Variants in CPEB3 observed in about 807,000 individuals in gnomAD.
CPEB3 encodes the protein cytoplasmic polyadenylation element binding protein 3.
CPEB3 carries 20 observed loss-of-function variants against 67.2 expected under a neutral mutation model. That is an observed-to-expected ratio of 0.30 (90% CI 0.21 to 0.43). The LOEUF (loss-of-function observed/expected upper bound fraction) is 0.43. CPEB3 is among the 20% of genes least tolerant of loss of function. The pLI is 1.00. For synonymous variants in CPEB3, 376 were observed against 393.1 expected (o/e 0.96, Z 0.51); for missense variants, 746 against 968.6 (o/e 0.77, Z 3.05).
At chr10:92,126,381 C>A (rs1223965934) in intron 6 of CPEB3, among the ~76,000 whole-genome samples, 4 of 152,070 alleles carry the variant, frequency 2.6e-5, no homozygotes, top group African/African-American at 9.7e-5. Flanking sequence ...ACTCAACTAC[C>A]AAGCAGTTCA....
intron 6 of CPEB3, among the ~76,000 whole-genome samples, chr10:92,142,166 A>G (rs1358095089): frequency 6.6e-6 from 1 of 152,202 alleles, no homozygotes; most frequent in Non-Finnish European, 1.5e-5. Flanking sequence ...CATAAAAGGA[A>G]GCCACTTGCC....
In CPEB3 at chr10:92,072,615, T is replaced by C. The variant is rs184055317; in HGVS notation, c.1869+8705A>G. ...AGTTTGCCCAAGATCATACCACGATTGGAAAAAGCTAGGAATAGACCCAGA... is the reference window on the plus strand; with the variant it reads ...AGTTTGCCCAAGATCATACCACGATCGGAAAAAGCTAGGAATAGACCCAGA... On this transcript the variant is annotated intron_variant, in intron 9 of 9. Coordinates refer to ENST00000265997, the MANE Select transcript of CPEB3 (RefSeq NM_014912.5). Among the ~76,000 whole-genome samples the C allele has an allele frequency of 5.3e-4, 80 of 152,346 alleles. No individual in the cohort carries two copies. In the South Asian group the frequency reaches 5.4e-3, roughly 10 times the overall value.
At chr10:92,180,868 G>A (rs748377464) in intron 4 of CPEB3, 95 bp downstream of exon 4, 4 of 762,288 alleles carry the variant, frequency 5.2e-6, no homozygotes, top group East Asian at 2.5e-5. Flanking sequence ...TCCTTTCAGC[G>A]GAAGGTTAAA....
intron 5 of CPEB3, among the ~76,000 whole-genome samples, chr10:92,144,472 C>T (rs1425376315): frequency 1.3e-5 from 2 of 152,080 alleles, no homozygotes; most frequent in African/African-American, 2.4e-5. Context: ...TGCTATGTTG[C>T]CCAGGCTGGT....
At chr10:92,208,209 G>T (rs1849889142) in intron 2 of CPEB3, among the ~76,000 whole-genome samples, 1 of 152,124 alleles carries the variant, frequency 6.6e-6, no homozygotes, top group Non-Finnish European at 1.5e-5. Context: ...TGCTTGTCTA[G>T]CTCAACAGAT....
chr10:92,123,920 A>G (rs1845501933), intron 6 of CPEB3, among the ~76,000 whole-genome samples: 1 of 152,128 alleles, frequency 6.6e-6, no homozygotes, highest in South Asian at 2.1e-4. Flanking sequence ...CTGGCTTCCC[A>G]TTCCTAACTC....
intron 8 of CPEB3, among the ~76,000 whole-genome samples, chr10:92,083,256 G>T (rs1024238163): frequency 6.6e-6 from 1 of 152,170 alleles, no homozygotes; most frequent in Non-Finnish European, 1.5e-5. Context: ...AAGCCTAAGA[G>T]TAAGTGCTAT....
chr10:92,264,506 C>T (rs1391338138), intron 1 of CPEB3, among the ~76,000 whole-genome samples: 1 of 152,108 alleles, frequency 6.6e-6, no homozygotes, highest in Non-Finnish European at 1.5e-5. Context: ...TACAATCAGG[C>T]CTCTGCCTTC....
At chr10:92,203,352 A>G (rs1564862822) in intron 2 of CPEB3, among the ~76,000 whole-genome samples, 1 of 146,832 alleles carries the variant, frequency 6.8e-6, no homozygotes, top group Non-Finnish European at 1.5e-5. Context: ...ATATATATAT[A>G]TATGTATATA....
rs55896574 is a variant in CPEB3 at position 92,181,367 on chromosome 10, C to CAA, written c.1166-350_1166-349dup. ...TTATACTGTCCTTCCATTCAAGCAG[C>CAA]AAAAAAAAAAAAAAAAAAAAAAATA... is the stretch of plus-strand genomic sequence containing the variant. On this transcript the variant is annotated intron_variant, in intron 3 of 9. Transcript: ENST00000265997. 4.3e-3 allele frequency among the ~76,000 whole-genome samples: 408 copies of CAA among 95,058 alleles called. 1 individual carries two copies. The highest frequency in any genetic ancestry group is 6.8e-3 in the African/African-American group (159 of 23,312). 62.4% of individuals were successfully genotyped at this position (95,058 alleles called of 152,430 possible). A position where few individuals can be genotyped will look rare whatever the true frequency, so the allele number is the denominator to read the frequency against.
At chr10:92,133,207 C>CA (rs1845926147) in intron 6 of CPEB3, among the ~76,000 whole-genome samples, 1 of 151,974 alleles carries the variant, frequency 6.6e-6, no homozygotes, top group South Asian at 2.1e-4. Flanking sequence ...AAAAACCCTT[C>CA]AAAAAAATCA....
At chr10:92,172,575 C>G (rs952399582) in intron 4 of CPEB3, among the ~76,000 whole-genome samples, 28 of 152,338 alleles carry the variant, frequency 1.8e-4, no homozygotes, top group Middle Eastern at 3.4e-3. Flanking sequence ...GCAGAATAAT[C>G]TGTGTGTCTA....
At position 92,285,094 on chromosome 10, in the gene CPEB3, CAG is replaced by C. The variant is rs1485408631; in HGVS notation, c.-12+5830_-12+5831del. Reference sequence around the variant, plus strand: ...GGAATCACATGGTGAAAGTGCAAGACAGAGAGCAAGAGAAGACCAAACTCACT... The same window carrying C: ...GGAATCACATGGTGAAAGTGCAAGACAGAGCAAGAGAAGACCAAACTCACT... On this transcript the variant is annotated intron_variant, in intron 1 of 9. Transcript: ENST00000265997. Among the ~76,000 whole-genome samples, 4 of 152,292 alleles carry C rather than the reference CAG, an allele frequency of 2.6e-5. No individual in the cohort carries two copies. In the East Asian group the frequency reaches 5.8e-4, roughly 22 times the overall value.
chr10:92,104,309 A>G (rs1453603452), intron 7 of CPEB3, among the ~76,000 whole-genome samples: 3 of 152,102 alleles, frequency 2.0e-5, no homozygotes, highest in Non-Finnish European at 2.9e-5. Context: ...AAAACACTGA[A>G]CATTATCCCT....
intron 6 of CPEB3, chr10:92,138,469 T>C (rs1257614056): frequency 1.3e-5 from 2 of 150,604 alleles, no homozygotes; most frequent in Non-Finnish European, 2.9e-5. Context: ...GATGGACATC[T>C]TGTAATTTTT....
intron 1 of CPEB3, among the ~76,000 whole-genome samples, chr10:92,240,697 G>T (rs758955579): frequency 6.6e-6 from 1 of 152,032 alleles, no homozygotes; most frequent in African/African-American, 2.4e-5. Flanking sequence ...CAGAGCGTTC[G>T]CCCTGCAATG....
chr10:92,054,886 T>C lies in CPEB3; in HGVS notation c.1870-2447A>G, dbSNP rs151098545. 1.1e-3 allele frequency among the ~76,000 whole-genome samples: 170 copies of C among 152,322 alleles called. 1 individual carries two copies. Among genetic ancestry groups the C allele is most frequent in the Middle Eastern group, 3.4e-3 (1 of 294 alleles). Reference sequence around the variant, plus strand: ...TATAGCCACCAGATGTGAGGACCTATGTAAAGTATATCCATTGCAAGACTT... The same window carrying C: ...TATAGCCACCAGATGTGAGGACCTACGTAAAGTATATCCATTGCAAGACTT... On this transcript the variant is annotated intron_variant, in intron 9 of 9. Coordinates refer to ENST00000265997, the MANE Select transcript of CPEB3 (RefSeq NM_014912.5).
At chr10:92,101,219 C>CT (rs947483819) in intron 7 of CPEB3, among the ~76,000 whole-genome samples, 9 of 152,138 alleles carry the variant, frequency 5.9e-5, no homozygotes, top group African/African-American at 2.2e-4. Context: ...GCCGTATGTT[C>CT]TTTTTCCCAA....
In CPEB3 at chr10:92,177,800, G is replaced by A. The variant is rs142778084; in HGVS notation, c.1222+3163C>T. 3.3e-3 allele frequency among the ~76,000 whole-genome samples: 506 copies of A among 152,240 alleles called. 4 individuals are homozygous for A. The highest frequency in any genetic ancestry group is 0.011 in the African/African-American group (474 of 41,538). On this transcript the variant is annotated intron_variant, in intron 4 of 9. Coordinates refer to ENST00000265997, the MANE Select transcript of CPEB3 (RefSeq NM_014912.5). ...TAGTACTGAGAAGAATGTATATTAT[G>A]ACATCTATCTTTCCCATAAAGTCAG...
Sources: gnomAD v4.1 joint callset for allele counts (sites outside exome capture counted in the v4.1 genomes callset) on GRCh38, gnomAD v4.1.1 for gene constraint, MANE v1.5 for transcripts, NCBI Gene and HGNC (gene_info 2026-07-23, HGNC 2026-07-21) for gene names.